The following MAPK8 variants were observed in gnomAD, a reference collection of about 807,000 sequenced individuals.
MAPK8 encodes the protein JUN N-terminal kinase.
In MAPK8, 13 loss-of-function variants were observed where a neutral mutation model predicts 52.9. The observed-to-expected ratio is 0.25, with a 90% CI of 0.16 to 0.39. MAPK8 has a LOEUF of 0.39. MAPK8 is among the 10% of genes least tolerant of loss of function. MAPK8 has a pLI of 1.00. For synonymous variants in MAPK8, 191 were observed against 169.8 expected, an observed-to-expected ratio of 1.12 and a Z score of -0.97; for missense variants, 300 against 519.2, an observed-to-expected ratio of 0.58 and a Z score of 4.10.
intron 11 of MAPK8, among the ~76,000 whole-genome samples, chr10:48,431,956 G>C (rs1025130368): frequency 1.3e-5 from 2 of 152,134 alleles, no homozygotes; most frequent in African/African-American, 4.8e-5. Flanking sequence ...TTGCACACAT[G>C]TTATGGATGA....
chr10:48,412,521 C>T (rs72549613), intron 5 of MAPK8, among the ~76,000 whole-genome samples: 1 of 152,146 alleles, frequency 6.6e-6, no homozygotes, highest in Non-Finnish European at 1.5e-5. Flanking sequence ...TTTTGGAACT[C>T]CCATTATGCA....
intron 1 of MAPK8, among the ~76,000 whole-genome samples, chr10:48,336,305 T>G (rs1844681524): frequency 1.3e-5 from 2 of 152,134 alleles, no homozygotes; most frequent in Admixed American, 1.3e-4. Flanking sequence ...GGAACACTCT[T>G]TTAAAAAATA....
chr10:48,400,334 T>C (rs2042097806), intron 1 of MAPK8, among the ~76,000 whole-genome samples: 1 of 152,234 alleles, frequency 6.6e-6, no homozygotes, highest in Non-Finnish European at 1.5e-5. Flanking sequence ...TTCTAGTTTA[T>C]TTGTCCTCGG....
At chr10:48,310,140 C>A (rs1316087203) in intron 1 of MAPK8, among the ~76,000 whole-genome samples, 2 of 152,184 alleles carry the variant, frequency 1.3e-5, no homozygotes, top group Non-Finnish European at 2.9e-5. Flanking sequence ...GACCTAGGTT[C>A]ATTTCTCAGT....
At chr10:48,338,733 G>T (rs1331951528) in intron 1 of MAPK8, among the ~76,000 whole-genome samples, 1 of 152,038 alleles carries the variant, frequency 6.6e-6, no homozygotes, top group Admixed American at 6.6e-5. Context: ...AAAGTTTGAG[G>T]ATACAAAATA....
chr10:48,339,004 C>T (rs185375476), intron 1 of MAPK8, among the ~76,000 whole-genome samples: 26 of 152,264 alleles, frequency 1.7e-4, no homozygotes, highest in Middle Eastern at 3.4e-3. Context: ...AATGACCATA[C>T]TGCCCAAAGC....
At chr10:48,351,326 G>A (rs1453164945) in intron 1 of MAPK8, among the ~76,000 whole-genome samples, 1 of 144,788 alleles carries the variant, frequency 6.9e-6, no homozygotes, top group Non-Finnish European at 1.5e-5. Flanking sequence ...AGGCTGGAGT[G>A]CAGTGGCATG....
chr10:48,412,370 T>C (rs939496327), intron 5 of MAPK8, among the ~76,000 whole-genome samples: 4 of 152,236 alleles, frequency 2.6e-5, no homozygotes, highest in African/African-American at 4.8e-5. Flanking sequence ...GCAGCTTGGA[T>C]ATGTAGATTC....
At chr10:48,380,709 G>A (rs2040949057) in intron 1 of MAPK8, among the ~76,000 whole-genome samples, 1 of 152,160 alleles carries the variant, frequency 6.6e-6, no homozygotes, top group African/African-American at 2.4e-5. Flanking sequence ...CTCCAGCATG[G>A]GCGACAGAGC....
intron 1 of MAPK8, among the ~76,000 whole-genome samples, chr10:48,315,326 G>T (rs1412959933): frequency 2.0e-5 from 3 of 152,106 alleles, no homozygotes; most frequent in South Asian, 2.1e-4. Context: ...ATACACTTGT[G>T]CAATCCCAGA....
chr10:48,314,628 G>A (rs561635554), intron 1 of MAPK8, among the ~76,000 whole-genome samples: 2 of 152,164 alleles, frequency 1.3e-5, no homozygotes, highest in African/African-American at 2.4e-5. Context: ...GCCTGTAGAG[G>A]TTGTCCAACT....
intron 10 of MAPK8, among the ~76,000 whole-genome samples, chr10:48,428,759 A>G (rs1176992658): frequency 2.0e-5 from 3 of 152,168 alleles, no homozygotes; most frequent in Non-Finnish European, 4.4e-5. Flanking sequence ...TTTACATCCT[A>G]CTAATTTACA....
intron 1 of MAPK8, among the ~76,000 whole-genome samples, chr10:48,386,692 G>A (rs991328768): frequency 1.3e-5 from 2 of 152,100 alleles, no homozygotes; most frequent in African/African-American, 2.4e-5. Flanking sequence ...GGCCAGGCAC[G>A]GTGGCTCACA....
At chr10:48,331,551 G>T (rs1170002153) in intron 1 of MAPK8, among the ~76,000 whole-genome samples, 5 of 152,094 alleles carry the variant, frequency 3.3e-5, no homozygotes, top group Non-Finnish European at 5.9e-5. Context: ...GTCCACCCCT[G>T]TTCAGCTGTT....
At chr10:48,413,834 T>C (rs2042903795) in intron 5 of MAPK8, among the ~76,000 whole-genome samples, 1 of 104,104 alleles carries the variant, frequency 9.6e-6, no homozygotes, top group Admixed American at 1.3e-4. Flanking sequence ...TATATATATA[T>C]ATATATATAT....
At chr10:48,426,550 G>T in intron 9 of MAPK8, 46 bp downstream of exon 9, 2 of 1,554,366 alleles carry the variant, frequency 1.3e-6, no homozygotes, top group Non-Finnish European at 1.7e-6. Context: ...CATTCTTAGA[G>T]TTAGAATGAC....
intron 1 of MAPK8, among the ~76,000 whole-genome samples, chr10:48,318,848 G>A (rs1484578304): frequency 2.6e-5 from 4 of 152,246 alleles, no homozygotes; most frequent in African/African-American, 9.6e-5. Flanking sequence ...TAGTGTAACA[G>A]GCTAAGTTTG....
intron 1 of MAPK8, among the ~76,000 whole-genome samples, chr10:48,317,409 C>T (rs920278434): frequency 2.0e-5 from 3 of 152,062 alleles, no homozygotes; most frequent in Non-Finnish European, 2.9e-5. Flanking sequence ...GTGATCTTAC[C>T]ACCTCCGCCT....
At chr10:48,338,459 C>G (rs979054870) in intron 1 of MAPK8, among the ~76,000 whole-genome samples, 3 of 151,990 alleles carry the variant, frequency 2.0e-5, no homozygotes, top group African/African-American at 4.8e-5. Context: ...TATGACATAC[C>G]CACAGCCAAC....
Sources: allele counts gnomAD v4.1 joint callset (sites outside exome capture counted in the v4.1 genomes callset), GRCh38; gene constraint gnomAD v4.1.1; transcripts MANE v1.5; gene names NCBI Gene and HGNC (gene_info 2026-07-23, HGNC 2026-07-21).